TCF7L2: variants seen among roughly 807,000 people sequenced by gnomAD.
TCF7L2 encodes the protein transcription factor 7-like 2.
TCF7L2 carries 23 observed loss-of-function variants against 77.9 expected under a neutral mutation model. The ratio of observed to expected loss-of-function variants is 0.30; its 90% confidence interval spans 0.21 to 0.42. The LOEUF (loss-of-function observed/expected upper bound fraction) is 0.42. Among genes scored for constraint, TCF7L2 ranks in the 10% least tolerant of loss-of-function variants. The pLI is 1.00. For missense variants in TCF7L2, 654 were observed against 793.1 expected (o/e 0.82, Z 2.11); for synonymous variants, 413 against 340.2 (o/e 1.21, Z -2.36).
intron 7 of TCF7L2, 40 bp from the exon 8 acceptor site, chr10:113,145,971 C>T (rs1177678038): frequency 3.0e-6 from 4 of 1,317,234 alleles, no homozygotes; most frequent in Non-Finnish European, 3.2e-6. Context: ...CCACCCCCAC[C>T]CTTGTTTCAA....
chr10:113,128,080 A>C (rs556287953), intron 5 of TCF7L2, among the ~76,000 whole-genome samples: 1 of 152,186 alleles, frequency 6.6e-6, no homozygotes, highest in Non-Finnish European at 1.5e-5. Context: ...GTCCGCGTGA[A>C]TAGAGGGAGA....
intron 4 of TCF7L2, among the ~76,000 whole-genome samples, 193 bp downstream of exon 4, chr10:112,964,817 G>GTGAT (rs2036319029): frequency 6.8e-6 from 1 of 147,010 alleles, no homozygotes; most frequent in African/African-American, 2.6e-5. Flanking sequence ...GGTGGTGGGG[G>GTGAT]GGGGTTGAAT....
chr10:113,035,255 A>G lies in TCF7L2; in HGVS notation c.451-4770A>G, dbSNP rs937449662. On this transcript the variant is annotated intron_variant, in intron 4 of 13. Coordinates refer to ENST00000627217, the MANE Select transcript of TCF7L2 (RefSeq NM_001146274.2). The stretch of plus-strand genomic sequence containing the variant: ...AAACGTTGCTATTAGGCCACCGGAC[A>G]TGCTTTTCTGCATGCCTGTGTTGGG... Among the ~76,000 whole-genome samples the G allele has an allele frequency of 2.0e-5, 3 of 152,186 alleles. No individual in the cohort carries two copies. In the East Asian group the frequency reaches 5.8e-4, roughly 29 times the overall value.
intron 4 of TCF7L2, among the ~76,000 whole-genome samples, chr10:112,988,642 A>G (rs1021535417): frequency 3.9e-5 from 6 of 152,028 alleles, no homozygotes; most frequent in Admixed American, 6.5e-5. Flanking sequence ...CCTAGGCTCA[A>G]TTTTTCCAGT....
At position 113,028,351 on chromosome 10, in the gene TCF7L2, C is replaced by T. The variant is rs879818909; in HGVS notation, c.451-11674C>T. ...TGGGGCCTCCAGAAGGTCAGCCTCCCGTAAATCTTCACCCTGGCTTTGGGG... is the reference window on the plus strand; with the variant it reads ...TGGGGCCTCCAGAAGGTCAGCCTCCTGTAAATCTTCACCCTGGCTTTGGGG... On this transcript the variant is annotated intron_variant, in intron 4 of 13. Transcript: ENST00000627217. 1.8e-4 allele frequency among the ~76,000 whole-genome samples: 28 copies of T among 152,150 alleles called. 1 individual carries two copies. Among genetic ancestry groups the T allele is most frequent in the Non-Finnish European group, 3.2e-4 (22 of 68,018 alleles).
chr10:113,165,657 C>T lies in TCF7L2; in HGVS notation c.1494C>T (p.Asn498=), dbSNP rs746725245. Residue 498 remains asparagine (N), a synonymous_variant, in exon 14 of 14, where the codon AAC becomes AAT. Coordinates refer to ENST00000627217, the MANE Select transcript of TCF7L2 (RefSeq NM_001146274.2). ...TAGATTCGCCTCCCCCCTCCCCGAA[C>T]CTGCTAGGCTCCCCTCCCCGAGACG... The T allele has an allele frequency of 6.2e-7, 1 of 1,611,058 alleles. No individual in the cohort carries two copies. The highest frequency in any genetic ancestry group is 8.5e-7 in the Non-Finnish European group (1 of 1,178,588).
At chr10:112,979,073 C>G (rs1176115627) in intron 4 of TCF7L2, among the ~76,000 whole-genome samples, 2 of 152,136 alleles carry the variant, frequency 1.3e-5, no homozygotes, top group Non-Finnish European at 2.9e-5. Context: ...CTAAAGCCCC[C>G]TAGTGAGTTG....
At chr10:113,024,308 AAAACAAAC>A (rs761524020) in intron 4 of TCF7L2, among the ~76,000 whole-genome samples, 4 of 151,984 alleles carry the variant, frequency 2.6e-5, no homozygotes, top group African/African-American at 4.8e-5. Context: ...ACAACAAAAC[AAAACAAAC>A]AAACAAACAA....
At position 113,076,002 on chromosome 10, in the gene TCF7L2, G is replaced by A. The variant is rs889904696; in HGVS notation, c.552+35876G>A. Among the ~76,000 whole-genome samples the A allele has an allele frequency of 3.3e-5, 5 of 151,920 alleles. No individual in the cohort carries two copies. The South Asian group carries it at 6.2e-4, about 19-fold the overall frequency. On this transcript the variant is annotated intron_variant, in intron 5 of 13. Coordinates refer to ENST00000627217, the MANE Select transcript of TCF7L2 (RefSeq NM_001146274.2). ...AATACAAAAATTAGCCAGGCGTGGT[G>A]GCACGTGCCTGTAATCCCAGCTACT... is the stretch of plus-strand genomic sequence containing the variant.
intron 5 of TCF7L2, chr10:113,126,943 C>A: frequency 1.0e-6 from 1 of 984,116 alleles, no homozygotes; most frequent in Non-Finnish European, 1.2e-6. Flanking sequence ...CGCTGCATCC[C>A]GCGCGCCTGC....
chr10:113,149,791 T>G (rs2070350119), intron 8 of TCF7L2, among the ~76,000 whole-genome samples: 1 of 152,232 alleles, frequency 6.6e-6, no homozygotes, highest in Non-Finnish European at 1.5e-5. Context: ...TGCCATGATC[T>G]TCATCTGAAC....
At chr10:113,037,007 GA>G (rs2051402266) in intron 4 of TCF7L2, among the ~76,000 whole-genome samples, 1 of 152,004 alleles carries the variant, frequency 6.6e-6, no homozygotes, top group Non-Finnish European at 1.5e-5. Context: ...GGACCCAACA[GA>G]ATAGAAATTC....
intron 5 of TCF7L2, among the ~76,000 whole-genome samples, chr10:113,112,204 T>A (rs752700332): frequency 5.3e-5 from 8 of 152,180 alleles, no homozygotes; most frequent in Non-Finnish European, 1.2e-4. Context: ...CATAATTCAA[T>A]TTTACTTTAT....
intron 4 of TCF7L2, among the ~76,000 whole-genome samples, chr10:112,980,124 T>G (rs1249712313): frequency 6.6e-6 from 1 of 152,208 alleles, no homozygotes; most frequent in Non-Finnish European, 1.5e-5. Context: ...ATTTGTCAGG[T>G]TTATACTCCT....
chr10:113,073,917 A>G (rs999353023), intron 5 of TCF7L2, among the ~76,000 whole-genome samples: 4 of 152,074 alleles, frequency 2.6e-5, no homozygotes, highest in African/African-American at 9.7e-5. Context: ...AGGAATGATG[A>G]TACGTTATAG....
At chr10:113,029,276 C>T (rs2049772706) in intron 4 of TCF7L2, among the ~76,000 whole-genome samples, 2 of 152,102 alleles carry the variant, frequency 1.3e-5, no homozygotes, top group African/African-American at 4.8e-5. Context: ...TCCCATGTTT[C>T]TTCATCAGCA....
At chr10:113,136,814 AC>A (rs2136684412) in intron 5 of TCF7L2, among the ~76,000 whole-genome samples, 1 of 152,334 alleles carries the variant, frequency 6.6e-6, no homozygotes, top group East Asian at 1.9e-4. Flanking sequence ...CAACCAAGTT[AC>A]TTTTCATATC....
intron 5 of TCF7L2, among the ~76,000 whole-genome samples, chr10:113,085,121 C>T (rs1040512299): frequency 2.6e-5 from 4 of 151,998 alleles, no homozygotes; most frequent in Non-Finnish European, 2.9e-5. Flanking sequence ...GGCTGGAGTG[C>T]GGGGGCACAA....
chr10:113,102,408 T>C (rs574858240), intron 5 of TCF7L2, among the ~76,000 whole-genome samples: 3 of 151,776 alleles, frequency 2.0e-5, no homozygotes, highest in Admixed American at 6.6e-5. Context: ...CATCTGTTTT[T>C]TGTTGTTGTT....
Sources: gnomAD v4.1 joint callset for allele counts (sites outside exome capture counted in the v4.1 genomes callset) on GRCh38, gnomAD v4.1.1 for gene constraint, MANE v1.5 for transcripts, NCBI Gene and HGNC (gene_info 2026-07-23, HGNC 2026-07-21) for gene names.